The following SYT9 variants were observed in gnomAD, a reference collection of about 807,000 sequenced individuals.
The protein encoded by SYT9 is synaptotagmin-9.
SYT9 carries 22 observed loss-of-function variants against 48.4 expected under a neutral mutation model. That is an observed-to-expected ratio of 0.45 (90% CI 0.32 to 0.65). SYT9 has a LOEUF of 0.65. Ranked by LOEUF, SYT9 falls within the 30% of genes least tolerant of loss-of-function variation. The pLI, the probability that SYT9 is intolerant of heterozygous loss-of-function variation, is 0.03. For missense variants in SYT9, 577 were observed against 622.0 expected (o/e 0.93, Z 0.77); for synonymous variants, 265 against 245.0 (o/e 1.08, Z -0.76).
intron 3 of SYT9, among the ~76,000 whole-genome samples, chr11:7,365,528 G>T (rs1243583052): frequency 6.6e-6 from 1 of 152,128 alleles, no homozygotes; most frequent in Non-Finnish European, 1.5e-5. Context: ...AAGGTCAGGG[G>T]ACTGTTTCGT....
rs148778105 is a variant in SYT9 at position 7,449,650 on chromosome 11, G to C, written c.1468-17142G>C. Among the ~76,000 whole-genome samples the C allele has an allele frequency of 7.6e-3, 1,157 of 152,246 alleles. 21 individuals carry two copies. Among genetic ancestry groups the C allele is most frequent in the African/African-American group, 0.026 (1,089 of 41,552 alleles). ...TAGGGACAAGAAAAGCAACTGGACT[G>C]GGGGTGTGGAAAGCACAGCCTGCCA... On this transcript the variant is annotated intron_variant, in intron 6 of 6. Coordinates refer to ENST00000318881, the MANE Select transcript of SYT9 (RefSeq NM_175733.4).
intron 3 of SYT9, among the ~76,000 whole-genome samples, chr11:7,317,185 A>G (rs992654575): frequency 6.6e-6 from 1 of 152,232 alleles, no homozygotes; most frequent in Non-Finnish European, 1.5e-5. Flanking sequence ...ACCCTATGTC[A>G]GGAAAGATAT....
chr11:7,350,203 G>C (rs150076057), intron 3 of SYT9, among the ~76,000 whole-genome samples: 1 of 152,300 alleles, frequency 6.6e-6, no homozygotes, highest in East Asian at 1.9e-4. Context: ...TAACTTTCTA[G>C]AAGAACATTA....
chr11:7,357,627 A>T (rs1850046657), intron 3 of SYT9, among the ~76,000 whole-genome samples: 1 of 152,084 alleles, frequency 6.6e-6, no homozygotes, highest in Non-Finnish European at 1.5e-5. Flanking sequence ...AATTGCATCA[A>T]TATAATACTA....
At chr11:7,373,990 G>C (rs1322551076) in intron 3 of SYT9, among the ~76,000 whole-genome samples, 1 of 151,948 alleles carries the variant, frequency 6.6e-6, no homozygotes, top group Non-Finnish European at 1.5e-5. Flanking sequence ...TGTTACATAG[G>C]TATACATTTG....
chr11:7,443,594 C>G (rs780198017), intron 6 of SYT9, among the ~76,000 whole-genome samples: 6 of 152,240 alleles, frequency 3.9e-5, no homozygotes, highest in Non-Finnish European at 8.8e-5. Flanking sequence ...CTCATGTGCT[C>G]CGTTCTTCAC....
chr11:7,395,787 T>TA (rs996762691), intron 3 of SYT9, among the ~76,000 whole-genome samples: 7 of 151,434 alleles, frequency 4.6e-5, no homozygotes, highest in Admixed American at 2.6e-4. Flanking sequence ...TTGTTTTTTT[T>TA]ATTCATCCTG....
intron 3 of SYT9, among the ~76,000 whole-genome samples, chr11:7,383,799 G>A (rs1022606164): frequency 2.0e-5 from 3 of 152,192 alleles, no homozygotes; most frequent in Non-Finnish European, 2.9e-5. Flanking sequence ...ATGATTAAAT[G>A]AGGGGTCAAG....
intron 6 of SYT9, among the ~76,000 whole-genome samples, chr11:7,460,990 G>A (rs1848225527): frequency 6.6e-6 from 1 of 152,052 alleles, no homozygotes; most frequent in South Asian, 2.1e-4. Flanking sequence ...GGCATTGGTT[G>A]CCTCACAGGG....
chr11:7,254,519 C>G (rs1310583103), intron 1 of SYT9, among the ~76,000 whole-genome samples: 1 of 152,164 alleles, frequency 6.6e-6, no homozygotes, highest in Non-Finnish European at 1.5e-5. Flanking sequence ...AATCTCGGAA[C>G]CCTAAAAGCT....
chr11:7,425,931 CAG>C (rs1455703275), intron 6 of SYT9, among the ~76,000 whole-genome samples: 1 of 151,944 alleles, frequency 6.6e-6, no homozygotes, highest in Non-Finnish European at 1.5e-5. Context: ...TGAATGAAAA[CAG>C]AAAAAACAAG....
At chr11:7,277,629 T>C (rs1251648605) in intron 1 of SYT9, among the ~76,000 whole-genome samples, 1 of 152,238 alleles carries the variant, frequency 6.6e-6, no homozygotes, top group Non-Finnish European at 1.5e-5. Flanking sequence ...GTTAGGCATG[T>C]GGGCAATATG....
intron 3 of SYT9, among the ~76,000 whole-genome samples, chr11:7,401,537 T>A (rs1260122374): frequency 6.6e-6 from 1 of 151,702 alleles, no homozygotes. Flanking sequence ...GTTGGAAGGT[T>A]TTTAGCAATG....
intron 1 of SYT9, among the ~76,000 whole-genome samples, chr11:7,273,770 C>A (rs1848337921): frequency 6.6e-6 from 1 of 152,096 alleles, no homozygotes; most frequent in Admixed American, 6.6e-5. Context: ...ATTTTAAAAT[C>A]TTTGGAGTTT....
At chr11:7,282,424 A>G (rs1848512826) in intron 1 of SYT9, among the ~76,000 whole-genome samples, 1 of 152,224 alleles carries the variant, frequency 6.6e-6, no homozygotes, top group Non-Finnish European at 1.5e-5. Context: ...GGCAAAAAAA[A>G]TGGAACCATG....
chr11:7,377,084 G>A (rs148251035), intron 3 of SYT9, among the ~76,000 whole-genome samples: 1,651 of 149,910 alleles, frequency 0.011, 12 homozygotes, highest in Non-Finnish European at 0.016. Flanking sequence ...TTGAGTGGTG[G>A]AGAGAAGTCC....
At chr11:7,430,147 A>G (rs1002555889) in intron 6 of SYT9, among the ~76,000 whole-genome samples, 1 of 152,174 alleles carries the variant, frequency 6.6e-6, no homozygotes, top group African/African-American at 2.4e-5. Context: ...TTTTATTTCT[A>G]CGTTATCTAT....
chr11:7,381,487 T>G (rs889717650), intron 3 of SYT9, among the ~76,000 whole-genome samples: 1 of 152,248 alleles, frequency 6.6e-6, no homozygotes, highest in Non-Finnish European at 1.5e-5. Flanking sequence ...GGTGAAGCTC[T>G]GCCCTGTCAT....
At chr11:7,391,376 C>G (rs1301418765) in intron 3 of SYT9, among the ~76,000 whole-genome samples, 2 of 152,048 alleles carry the variant, frequency 1.3e-5, no homozygotes, top group Non-Finnish European at 2.9e-5. Flanking sequence ...TTTGAGAAAT[C>G]ATCAAACTGC....
Sources: gnomAD v4.1 joint callset for allele counts (sites outside exome capture counted in the v4.1 genomes callset) on GRCh38, gnomAD v4.1.1 for gene constraint, MANE v1.5 for transcripts, NCBI Gene and HGNC (gene_info 2026-07-23, HGNC 2026-07-21) for gene names.